The following MYBPC2 variants were observed in gnomAD, a reference collection of about 807,000 sequenced individuals.
The protein encoded by MYBPC2 is myosin binding protein C2, also known as myosin-binding protein C, fast-type.
Under a neutral mutation model 137.0 loss-of-function variants are expected in MYBPC2, and 122 were observed. That is an observed-to-expected ratio of 0.89 (90% CI 0.77 to 1.03). MYBPC2 has a LOEUF of 1.03. MYBPC2 is among the 50% of genes least tolerant of loss of function. The pLI is 0.00. For missense variants in MYBPC2, 1,500 were observed against 1,534.4 expected, an observed-to-expected ratio of 0.98 and a Z score of 0.37; for synonymous variants, 626 against 612.3, an observed-to-expected ratio of 1.02 and a Z score of -0.33.
rs1234087234 is a variant in MYBPC2 at position 50,461,696 on chromosome 19, A to G, written c.3086A>G (p.Lys1029Arg). 1 of 1,612,258 alleles carries G rather than the reference A, an allele frequency of 6.2e-7. No individual in the cohort carries two copies. ...TCCAAGAACACGGCCCGCATCCTCA[A>G]GACAGGTACAGCCATCCTGCCCCAC... ...GVSKNTARIL[K>R]TGITFKPFEY... Residue 1029 changes from lysine to arginine, a missense_variant, in exon 25 of 28, where the codon AAG becomes AGG. Physicochemically the swap from Lys to Arg is conservative, Grantham distance 26 (BLOSUM62 2). Transcript: ENST00000357701.
In MYBPC2 at chr19:50,432,997, G is replaced by A; in HGVS notation, c.19+25G>A. On this transcript the variant is annotated intron_variant, in intron 1 of 27. Coordinates refer to ENST00000357701, the MANE Select transcript of MYBPC2 (RefSeq NM_004533.4). This position sits in a 1 kb window ranked among gnomAD's most constrained non-coding sequence, Gnocchi z 5.5. ...GGTGGCGCCAGGACCCCCTCCCTGTGTGGGGATGGGGCTCTTCTTTTCTGG... is the reference window on the plus strand; with the variant it reads ...GGTGGCGCCAGGACCCCCTCCCTGTATGGGGATGGGGCTCTTCTTTTCTGG... The A allele has an allele frequency of 6.3e-7, 1 of 1,584,394 alleles. No individual in the cohort carries two copies. The highest frequency in any genetic ancestry group is 1.4e-5 in the African/African-American group (1 of 73,618).
intron 7 of MYBPC2, among the ~76,000 whole-genome samples, chr19:50,438,834 C>T (rs2039726628): frequency 6.6e-6 from 1 of 152,062 alleles, no homozygotes. Flanking sequence ...CCACTGCACT[C>T]CAGTCTGGGC....
rs2039703035 is a variant in MYBPC2 at position 50,436,277 on chromosome 19, TG to T, written c.345+120del. 4 of 1,430,620 alleles carry T rather than the reference TG, an allele frequency of 2.8e-6. No homozygotes were observed. In the African/African-American group the frequency reaches 5.7e-5, roughly 21 times the overall value. The allele number at this position is 1,430,620 out of a possible 1,614,324, so 88.6% of individuals were successfully genotyped here. A position where few individuals can be genotyped will look rare whatever the true frequency, so the allele number is the denominator to read the frequency against. ...GTGGGCCTGGAGCCGGGATGGAGAG[TG>T]GGCCCTCTGAGGATGGAGGTTGTGC... On this transcript the variant is annotated intron_variant, in intron 4 of 27. Coordinates refer to ENST00000357701, the MANE Select transcript of MYBPC2 (RefSeq NM_004533.4).
At chr19:50,440,051 T>A (rs1290606907) in intron 7 of MYBPC2, among the ~76,000 whole-genome samples, 1 of 151,846 alleles carries the variant, frequency 6.6e-6, no homozygotes, top group Non-Finnish European at 1.5e-5. Flanking sequence ...TCAGGTGACT[T>A]TGGGGGGAGT....
intron 9 of MYBPC2, 100 bp from the exon 10 acceptor site, chr19:50,443,390 TGAGA>T (rs147720211): frequency 2.8e-4 from 365 of 1,319,680 alleles, no homozygotes; most frequent in South Asian, 5.7e-4. Context: ...AATTTGGCTC[TGAGA>T]GAGAGAGAGA....
At position 50,465,580 on chromosome 19, in the gene MYBPC2, G is replaced by A. The variant is rs761420271; in HGVS notation, c.3416-615G>A. ...TTTCTAGCCAAGCACGGTGGCTCTC[G>A]CCTGTAATCCCAGCACATTGGGAGG... On this transcript the variant is annotated intron_variant, in intron 27 of 27. Coordinates refer to ENST00000357701, the MANE Select transcript of MYBPC2 (RefSeq NM_004533.4). The surrounding 1 kb of genome is among the most constrained non-coding windows in gnomAD (Gnocchi z 4.5). 6.6e-6 allele frequency among the ~76,000 whole-genome samples: 1 copy of A among 152,210 alleles called. No individual in the cohort carries two copies. Among genetic ancestry groups the A allele is most frequent in the Admixed American group, 6.5e-5 (1 of 15,286 alleles).
chr19:50,455,087 C>G, intron 18 of MYBPC2, 21 bp from the exon 19 acceptor site: 1 of 1,595,980 alleles, frequency 6.3e-7, no homozygotes, highest in South Asian at 1.1e-5. Context: ...CCCTCTTCTC[C>G]TCTCTGCTTG....
intron 9 of MYBPC2, among the ~76,000 whole-genome samples, chr19:50,443,144 T>A (rs1394025799): frequency 6.6e-6 from 1 of 151,698 alleles, no homozygotes; most frequent in African/African-American, 2.4e-5. Context: ...AATTAAAAAA[T>A]TAGAAGATAC....
chr19:50,444,509 C>T (rs2039785847), intron 11 of MYBPC2, among the ~76,000 whole-genome samples: 1 of 152,298 alleles, frequency 6.6e-6, no homozygotes, highest in African/African-American at 2.4e-5. Flanking sequence ...TACCTATTCA[C>T]CAACCCAACA....
At position 50,441,049 on chromosome 19, in the gene MYBPC2, G is replaced by A; in HGVS notation, c.742G>A (p.Ala248Thr). 1 of 1,602,202 alleles carries A rather than the reference G, an allele frequency of 6.2e-7. No individual in the cohort carries two copies. ...LRGMLKRLKK[A>T]KVEVKKSAAF... Reference sequence around the variant, plus strand: ...GGGCATGCTGAAGCGGCTGAAAAAGGCTAAGGTCGAGGTCAAGAAGAGTGC... The same window carrying A: ...GGGCATGCTGAAGCGGCTGAAAAAGACTAAGGTCGAGGTCAAGAAGAGTGC... Residue 248 changes from alanine (A) to threonine (T), a missense_variant, in exon 8 of 28, where the codon GCT (alanine) becomes ACT (threonine). Transcript: ENST00000357701.
In MYBPC2 at chr19:50,442,245, A is replaced by G; in HGVS notation, c.834A>G (p.Val278=). The change falls in exon 9 of 28, where the codon GTA becomes GTG. Residue 278 remains valine (V), a synonymous_variant. Coordinates refer to ENST00000357701, the MANE Select transcript of MYBPC2 (RefSeq NM_004533.4). Reference sequence around the variant, plus strand: ...GAGGCAACAAGATCAAGTTGATGGTAGAGATCAGCGACCCAGACCTGACCC... The same window carrying G: ...GAGGCAACAAGATCAAGTTGATGGTGGAGATCAGCGACCCAGACCTGACCC... ...VDRGNKIKLM[V]EISDPDLTLK... is the part of the protein sequence containing the mutation. 6.2e-7 allele frequency: 1 copy of G among 1,605,058 alleles called. No homozygotes were observed. The highest frequency in any genetic ancestry group is 8.5e-7 in the Non-Finnish European group (1 of 1,175,920).
In MYBPC2 at chr19:50,436,129, C is replaced by A; in HGVS notation, c.314C>A (p.Ser105Tyr). The A allele has an allele frequency of 6.3e-7, 1 of 1,582,398 alleles. No homozygotes were observed. The highest frequency in any genetic ancestry group is 1.2e-5 in the South Asian group (1 of 86,228). ...ELGSKSGARF[S>Y]FKESHNSASN... is the part of the protein sequence containing the mutation. Reference sequence around the variant, plus strand: ...GGCAGCAAGAGTGGCGCCCGCTTCTCCTTCAAGGAGTCCCACAACTCCGCC... The same window carrying A: ...GGCAGCAAGAGTGGCGCCCGCTTCTACTTCAAGGAGTCCCACAACTCCGCC... Residue 105 changes from serine to tyrosine, a missense_variant, in exon 4 of 28, where the codon TCC (serine) becomes TAC (tyrosine). Transcript: ENST00000357701.
At position 50,455,735 on chromosome 19, in the gene MYBPC2, A is replaced by C. The variant is rs533427603; in HGVS notation, c.2338+91A>C. The C allele has an allele frequency of 4.6e-5, 71 of 1,542,218 alleles. No homozygotes were observed. The African/African-American group carries it at 8.0e-4, about 17-fold the overall frequency. ...CTGAAAATAGGACCATGTGGGACAG[A>C]GATGGGTGCAGTGGCCTGCTTGTGT... On this transcript the variant is annotated intron_variant, in intron 20 of 27. Coordinates refer to ENST00000357701, the MANE Select transcript of MYBPC2 (RefSeq NM_004533.4).
chr19:50,436,041 A>G lies in MYBPC2; in HGVS notation c.226A>G (p.Asn76Asp). 1 of 1,584,078 alleles carries G rather than the reference A, an allele frequency of 6.3e-7. No homozygotes were observed. Among genetic ancestry groups the G allele is most frequent in the South Asian group, 1.2e-5 (1 of 86,518 alleles). ...GGACGCAGTGGTCGTGGCCAAGGTG[A>G]ACGGGAAGGAGCTCCCAGACAAACC... ...GKDAVVVAKV[N>D]GKELPDKPTI... Residue 76 changes from asparagine to aspartate, a missense_variant, in exon 4 of 28, where the codon AAC (asparagine) becomes GAC (aspartate). Asn to Asp is a conservative substitution (Grantham distance 23). Transcript: ENST00000357701.
chr19:50,448,238 G>A lies in MYBPC2; in HGVS notation c.1320G>A (p.Glu440=), dbSNP rs1568662709. 2 of 1,613,496 alleles carry A rather than the reference G, an allele frequency of 1.2e-6. No individual in the cohort carries two copies. Among genetic ancestry groups the A allele is most frequent in the African/African-American group, 1.3e-5 (1 of 75,028 alleles). Reference sequence around the variant, plus strand: ...CTCCCTGACCAGAGAAACAGCTGGAGGTCCTGCAGGACATCGCGGATCTGA... The same window carrying A: ...CTCCCTGACCAGAGAAACAGCTGGAAGTCCTGCAGGACATCGCGGATCTGA... ...AELIVEEKQL[E]VLQDIADLTV... is the part of the protein sequence containing the mutation. The change falls in exon 13 of 28, where the codon GAG becomes GAA. Residue 440 remains glutamate, a synonymous_variant. Transcript: ENST00000357701.
At chr19:50,454,420 GTTTTTTTTTTTTTT>G (rs36109908) in intron 18 of MYBPC2, 51 bp downstream of exon 18, 10,099 of 739,150 alleles carry the variant, frequency 0.014, 136 homozygotes, top group Non-Finnish European at 0.016. Flanking sequence ...TCTGCCTTCT[GTTTTTTTTTTTTTT>G]TTTTTTTTTG....
intron 14 of MYBPC2, among the ~76,000 whole-genome samples, 161 bp downstream of exon 14, chr19:50,451,096 A>C (rs532277667): frequency 6.6e-6 from 1 of 152,156 alleles, no homozygotes; most frequent in Non-Finnish European, 1.5e-5. Flanking sequence ...ATGGAGGGAG[A>C]GCGCTGAACT....
intron 13 of MYBPC2, 85 bp downstream of exon 13, chr19:50,448,475 T>A (rs2039827345): frequency 2.4e-6 from 2 of 839,610 alleles, no homozygotes; most frequent in Admixed American, 6.7e-5. Context: ...CCCCCATTTA[T>A]TTTTTTTTTT....
rs776192226 is a variant in MYBPC2, at chr19:50,443,619, G to A, written c.1027+1G>A. The A allele has an allele frequency of 2.5e-6, 4 of 1,613,774 alleles. No individual in the cohort carries two copies. Among genetic ancestry groups the A allele is most frequent in the Non-Finnish European group, 3.4e-6 (4 of 1,179,698 alleles). On this transcript the variant is annotated splice_donor_variant, in intron 10 of 27. Coordinates refer to ENST00000357701, the MANE Select transcript of MYBPC2 (RefSeq NM_004533.4). LOFTEE classifies it high-confidence loss of function. ...TGTTTCACCGAGCTCTTCGTCAAAG[G>A]TGAGGCTGGAATTCAGAACTGAGCC...
Sources: gnomAD v4.1 joint callset for allele counts (sites outside exome capture counted in the v4.1 genomes callset) on GRCh38, gnomAD v4.1.1 for gene constraint, Gnocchi (gnomAD v3.1) non-coding constraint, MANE v1.5 for transcripts, NCBI Gene and HGNC (gene_info 2026-07-23, HGNC 2026-07-21) for gene names.